CDH13: variants seen among roughly 807,000 people sequenced by gnomAD.
The protein encoded by CDH13 is cadherin 13.
A neutral mutation model predicts 63.8 loss-of-function variants in CDH13; 24 were observed. The observed-to-expected ratio is 0.38, with a 90% CI of 0.27 to 0.53. The LOEUF is 0.53. Among genes scored for constraint, CDH13 ranks in the 20% least tolerant of loss-of-function variants. The pLI is 0.85. For missense variants in CDH13, 1,049 were observed against 903.1 expected (o/e 1.16, Z -2.07); for synonymous variants, 503 against 355.3 (o/e 1.42, Z -4.67).
At chr16:82,906,057 T>C (rs59618996) in intron 2 of CDH13, among the ~76,000 whole-genome samples, 31,584 of 152,158 alleles carry the variant, frequency 0.21, 4,626 homozygotes, top group African/African-American at 0.41. Context: ...TCTACCTGTC[T>C]AATATCTGTC....
chr16:83,326,425 CTTTT>C (rs1241180598), intron 5 of CDH13, among the ~76,000 whole-genome samples: 1 of 126,640 alleles, frequency 7.9e-6, no homozygotes. Flanking sequence ...ACACTTGGTG[CTTTT>C]TTTTTTTTTT....
rs117388821 is a variant in CDH13, at chr16:82,895,095, C to T, written c.157+36622C>T. 8.5e-4 allele frequency among the ~76,000 whole-genome samples: 129 copies of T among 152,268 alleles called. 2 individuals are homozygous for T. In the East Asian group the frequency reaches 0.023, roughly 27 times the overall value. On this transcript the variant is annotated intron_variant, in intron 2 of 13. Transcript: ENST00000567109. ...ATCACTCATTTTAAGGTGAACAATT[C>T]AGTGGCATTTAGCGTATTTGCAGTG...
At chr16:83,622,182 T>A (rs890861723) in intron 8 of CDH13, among the ~76,000 whole-genome samples, 1 of 152,176 alleles carries the variant, frequency 6.6e-6, no homozygotes, top group Non-Finnish European at 1.5e-5. Context: ...ACGTAGGTAC[T>A]CTTATTGTGC....
intron 5 of CDH13, among the ~76,000 whole-genome samples, chr16:83,227,217 A>G (rs992730604): frequency 1.3e-5 from 2 of 152,226 alleles, no homozygotes; most frequent in African/African-American, 4.8e-5. Context: ...GCCAAGGATT[A>G]CACAGTTGGA....
chr16:83,319,279 G>T (rs182029402), intron 5 of CDH13, among the ~76,000 whole-genome samples: 36 of 152,208 alleles, frequency 2.4e-4, no homozygotes, highest in Admixed American at 7.2e-4. Context: ...TCAAATATTT[G>T]ACCTCTAGGA....
intron 1 of CDH13, among the ~76,000 whole-genome samples, chr16:82,802,338 T>C (rs2036904829): frequency 6.6e-6 from 1 of 151,924 alleles, no homozygotes; most frequent in Non-Finnish European, 1.5e-5. Flanking sequence ...TAACCAGGAG[T>C]CGACCCTGAT....
rs571737636 is a variant in CDH13 at position 82,644,998 on chromosome 16, T to C, written c.45+17861T>C. ...AGTGGACCAGATTGGGTTTTGTTTTTTCACAAATGAAAGTCTCTGAGATTG... is the reference window on the plus strand; with the variant it reads ...AGTGGACCAGATTGGGTTTTGTTTTCTCACAAATGAAAGTCTCTGAGATTG... On this transcript the variant is annotated intron_variant, in intron 1 of 13. Coordinates refer to ENST00000567109, the MANE Select transcript of CDH13 (RefSeq NM_001257.5). This position sits in a 1 kb window ranked among gnomAD's most constrained non-coding sequence, Gnocchi z 5.7. 1.3e-5 allele frequency among the ~76,000 whole-genome samples: 2 copies of C among 152,310 alleles called. No individual in the cohort carries two copies. Among genetic ancestry groups the C allele is most frequent in the Non-Finnish European group, 2.9e-5 (2 of 68,022 alleles).
At chr16:83,735,483 A>G (rs769522861) in intron 10 of CDH13, 2 of 152,148 alleles carry the variant, frequency 1.3e-5, no homozygotes, top group Non-Finnish European at 2.9e-5. Flanking sequence ...ATGAGGCATA[A>G]TGTGATGGTT....
intron 1 of CDH13, among the ~76,000 whole-genome samples, chr16:82,790,043 T>A (rs540487246): frequency 3.3e-5 from 5 of 152,174 alleles, no homozygotes; most frequent in African/African-American, 1.2e-4. Context: ...TACCTAGATA[T>A]TCTGGTGCTA....
chr16:82,707,701 G>A (rs2031603408), intron 1 of CDH13, among the ~76,000 whole-genome samples: 2 of 152,138 alleles, frequency 1.3e-5, no homozygotes, highest in South Asian at 2.1e-4. Context: ...TAAGCTTGAT[G>A]TCTCTGTTTT....
chr16:82,966,410 G>A (rs1458143253), intron 2 of CDH13, among the ~76,000 whole-genome samples: 10 of 152,304 alleles, frequency 6.6e-5, no homozygotes, highest in Admixed American at 4.6e-4. Context: ...GCCTCCCAAA[G>A]TGTTGGGATT....
At chr16:83,479,370 A>C (rs1250209681) in intron 6 of CDH13, among the ~76,000 whole-genome samples, 1 of 152,216 alleles carries the variant, frequency 6.6e-6, no homozygotes, top group African/African-American at 2.4e-5. Context: ...TGAAAATAAC[A>C]AACTTACATT....
At chr16:82,824,310 G>GGA (rs2038139629) in intron 1 of CDH13, 1 of 150,284 alleles carries the variant, frequency 6.7e-6, no homozygotes, top group Non-Finnish European at 1.5e-5. Flanking sequence ...AAACGGAAAG[G>GGA]AAAAAAAAAC....
intron 6 of CDH13, among the ~76,000 whole-genome samples, chr16:83,383,981 C>A (rs539463875): frequency 6.6e-6 from 1 of 152,058 alleles, no homozygotes; most frequent in Non-Finnish European, 1.5e-5. Context: ...CACAAATATA[C>A]GTACATATAT....
At chr16:83,746,503 C>T (rs1047064862) in intron 10 of CDH13, among the ~76,000 whole-genome samples, 1 of 152,036 alleles carries the variant, frequency 6.6e-6, no homozygotes, top group Non-Finnish European at 1.5e-5. Context: ...TTCCCAAGTT[C>T]CAGGATTAGG....
intron 2 of CDH13, among the ~76,000 whole-genome samples, chr16:82,915,520 C>T (rs1440534790): frequency 1.3e-5 from 2 of 152,114 alleles, no homozygotes; most frequent in African/African-American, 4.8e-5. Context: ...TGCTGAAATA[C>T]AGGGGCCCAG....
At chr16:82,889,614 T>A (rs1327198710) in intron 2 of CDH13, among the ~76,000 whole-genome samples, 1 of 152,236 alleles carries the variant, frequency 6.6e-6, no homozygotes, top group Non-Finnish European at 1.5e-5. Flanking sequence ...GCATGCTGGT[T>A]GATCAAATGT....
intron 1 of CDH13, among the ~76,000 whole-genome samples, chr16:82,784,459 C>T (rs759137656): frequency 3.3e-5 from 5 of 152,152 alleles, no homozygotes; most frequent in East Asian, 3.9e-4. Flanking sequence ...ATGCTCTCCC[C>T]CACACCCTGC....
At chr16:82,845,684 C>A (rs1263383134) in intron 1 of CDH13, among the ~76,000 whole-genome samples, 2 of 152,172 alleles carry the variant, frequency 1.3e-5, no homozygotes, top group Admixed American at 1.3e-4. Context: ...AAGGCCCACC[C>A]AAGAGTACCT....
Sources: gnomAD v4.1 joint callset for allele counts (sites outside exome capture counted in the v4.1 genomes callset) on GRCh38, gnomAD v4.1.1 for gene constraint, Gnocchi (gnomAD v3.1) non-coding constraint, MANE v1.5 for transcripts, NCBI Gene and HGNC (gene_info 2026-07-23, HGNC 2026-07-21) for gene names.